Variants in SIL1 observed in about 807,000 individuals in gnomAD.
SIL1 encodes the protein SIL1 nucleotide exchange factor.
Under a neutral mutation model 49.1 loss-of-function variants are expected in SIL1, and 40 were observed. That is an observed-to-expected ratio of 0.81 (90% CI 0.63 to 1.06). The LOEUF is 1.06. Ranked by LOEUF, SIL1 falls within the 50% of genes least tolerant of loss-of-function variation. The probability of loss-of-function intolerance (pLI) is 0.00; values close to 1 mark genes in which losing one functional copy is unlikely to be tolerated. For synonymous variants in SIL1, 253 were observed against 250.8 expected, an observed-to-expected ratio of 1.01 and a Z score of -0.08; for missense variants, 500 against 572.6, an observed-to-expected ratio of 0.87 and a Z score of 1.29.
chr5:139,127,081 G>A (rs1228397351), intron 2 of SIL1, among the ~76,000 whole-genome samples: 1 of 152,178 alleles, frequency 6.6e-6, no homozygotes, highest in Non-Finnish European at 1.5e-5. Context: ...GGCCTTTCTG[G>A]GCATTCTCCT....
intron 1 of SIL1, among the ~76,000 whole-genome samples, chr5:139,176,927 C>CTTTTTTTTTT (rs70982757): frequency 1.0e-5 from 1 of 95,812 alleles, no homozygotes; most frequent in Non-Finnish European, 2.0e-5. Flanking sequence ...AGCTGAGATT[C>CTTTTTTTTTT]TTTTTTTTTT....
At position 139,141,006 on chromosome 5, in the gene SIL1, A is replaced by G. The variant is rs185865664; in HGVS notation, c.-10-13153T>C. Among the ~76,000 whole-genome samples the G allele has an allele frequency of 3.3e-5, 5 of 152,234 alleles. No individual in the cohort carries two copies. The East Asian group carries it at 9.6e-4, about 29-fold the overall frequency. ...GAGCACAGTTACAAGCAGAACTGAC[A>G]CTGTCCTGCCAAGACGTCCCCCCGC... is the stretch of plus-strand genomic sequence containing the variant. On this transcript the variant is annotated intron_variant, in intron 1 of 9. Transcript: ENST00000394817.
At chr5:139,056,614 C>A (rs370118374) in intron 3 of SIL1, among the ~76,000 whole-genome samples, 5 of 143,772 alleles carry the variant, frequency 3.5e-5, no homozygotes, top group East Asian at 4.0e-4. Flanking sequence ...CAGCCCCCCG[C>A]CCGGCCAGCC....
chr5:139,107,547 T>C (rs763159563), intron 3 of SIL1, among the ~76,000 whole-genome samples: 17 of 152,170 alleles, frequency 1.1e-4, no homozygotes, highest in Non-Finnish European at 2.4e-4. Context: ...ATTTCACCAG[T>C]TTTTCCACTA....
chr5:139,048,369 GTTTTTTTT>G (rs35482601), intron 4 of SIL1, among the ~76,000 whole-genome samples: 1,388 of 87,808 alleles, frequency 0.016, 30 homozygotes, highest in African/African-American at 0.059. Context: ...TTTGTTGTTG[GTTTTTTTT>G]TTTTTTTTTT....
At chr5:139,119,271 T>A (rs1230681720) in intron 3 of SIL1, among the ~76,000 whole-genome samples, 2 of 152,118 alleles carry the variant, frequency 1.3e-5, no homozygotes, top group Non-Finnish European at 2.9e-5. Context: ...TTTTTAGCCA[T>A]TAATAGCAGC....
At chr5:138,955,406 A>C (rs1766880476) in intron 7 of SIL1, among the ~76,000 whole-genome samples, 1 of 152,224 alleles carries the variant, frequency 6.6e-6, no homozygotes. Context: ...TAAATCTTGC[A>C]GGGAGATGGG....
intron 1 of SIL1, among the ~76,000 whole-genome samples, chr5:139,153,814 C>T (rs1310275598): frequency 6.6e-6 from 1 of 152,228 alleles, no homozygotes; most frequent in Non-Finnish European, 1.5e-5. Context: ...GGTGAGGTAT[C>T]GGAATGTAGG....
At chr5:138,985,430 C>G (rs772132403) in intron 7 of SIL1, among the ~76,000 whole-genome samples, 5 of 152,148 alleles carry the variant, frequency 3.3e-5, no homozygotes, top group African/African-American at 1.2e-4. Context: ...GCCTGACTCA[C>G]GGCAGCTCAA....
intron 4 of SIL1, among the ~76,000 whole-genome samples, chr5:139,046,218 T>G (rs1769159937): frequency 6.6e-6 from 1 of 152,116 alleles, no homozygotes; most frequent in Non-Finnish European, 1.5e-5. Context: ...TCCCAGCTAC[T>G]CGGGAGGCTG....
intron 7 of SIL1, among the ~76,000 whole-genome samples, chr5:138,997,800 C>T (rs1438303270): frequency 6.6e-6 from 1 of 152,214 alleles, no homozygotes; most frequent in African/African-American, 2.4e-5. Context: ...CTCAAGTGAT[C>T]CACCTGCCTT....
At chr5:138,976,310 C>CT (rs542941622) in intron 7 of SIL1, among the ~76,000 whole-genome samples, 4,259 of 134,384 alleles carry the variant, frequency 0.032, 201 homozygotes, top group African/African-American at 0.083. Context: ...TATTACCTCT[C>CT]TTTTTTTTTT....
rs1216508411 is a variant in SIL1 at position 139,011,674 on chromosome 5, C to T, written c.767+9497G>A. Among the ~76,000 whole-genome samples, 3 of 152,096 alleles carry T rather than the reference C, an allele frequency of 2.0e-5. No individual in the cohort carries two copies. In the East Asian group the frequency reaches 5.8e-4, roughly 29 times the overall value. ...AAGTTTGATTATCTGTTTCTGCTGT[C>T]TTTCACTCATAGTGCCTTATTTTTT... On this transcript the variant is annotated intron_variant, in intron 7 of 9. Coordinates refer to ENST00000394817, the MANE Select transcript of SIL1 (RefSeq NM_022464.5).
At chr5:139,052,917 C>T (rs1769325015) in intron 3 of SIL1, among the ~76,000 whole-genome samples, 1 of 152,096 alleles carries the variant, frequency 6.6e-6, no homozygotes, top group Non-Finnish European at 1.5e-5. Context: ...TGGCTTGGTA[C>T]CACCAGGAAG....
At chr5:139,129,615 T>C (rs562181509) in intron 1 of SIL1, among the ~76,000 whole-genome samples, 1 of 152,320 alleles carries the variant, frequency 6.6e-6, no homozygotes, top group Admixed American at 6.5e-5. Context: ...GAGCTTGCAG[T>C]GAGCCGAGAT....
intron 1 of SIL1, among the ~76,000 whole-genome samples, chr5:139,161,016 G>A (rs1014223556): frequency 2.6e-5 from 4 of 152,218 alleles, no homozygotes; most frequent in Admixed American, 2.0e-4. Context: ...GGCTGAGGCG[G>A]GTGGATCACC....
chr5:139,107,506 C>T (rs1337021407), intron 3 of SIL1, among the ~76,000 whole-genome samples: 1 of 152,064 alleles, frequency 6.6e-6, no homozygotes, highest in Non-Finnish European at 1.5e-5. Flanking sequence ...AATTATACAA[C>T]AGTAGTAACT....
chr5:139,179,335 T>A (rs1252388643), intron 1 of SIL1, among the ~76,000 whole-genome samples: 4 of 152,202 alleles, frequency 2.6e-5, no homozygotes, highest in Non-Finnish European at 5.9e-5. Context: ...AGGCATTCTG[T>A]GCCCTGATGA....
At chr5:139,118,386 A>T (rs928072054) in intron 3 of SIL1, among the ~76,000 whole-genome samples, 2 of 152,166 alleles carry the variant, frequency 1.3e-5, no homozygotes, top group African/African-American at 4.8e-5. Flanking sequence ...GTACTGAGTG[A>T]TTTCTCCATG....
Sources: gnomAD v4.1 joint callset for allele counts (sites outside exome capture counted in the v4.1 genomes callset) on GRCh38, gnomAD v4.1.1 for gene constraint, MANE v1.5 for transcripts, NCBI Gene and HGNC (gene_info 2026-07-23, HGNC 2026-07-21) for gene names.